RALYL: variants seen among roughly 807,000 people sequenced by gnomAD.
RALYL encodes RNA-binding Raly-like protein.
RALYL carries 29 observed loss-of-function variants against 35.1 expected under a neutral mutation model. The ratio of observed to expected loss-of-function variants is 0.83; its 90% CI spans 0.61 to 1.13. RALYL has a LOEUF of 1.13. RALYL is among the 50% of genes most tolerant of loss of function. RALYL has a pLI of 0.00. For missense variants in RALYL, 359 were observed against 360.4 expected (o/e 1.00, Z 0.03); for synonymous variants, 120 against 127.6 (o/e 0.94, Z 0.40).
At position 84,410,811 on chromosome 8, in the gene RALYL, T is replaced by G. The variant is rs1037083827; in HGVS notation, c.-23-118488T>G. 5.3e-5 allele frequency among the ~76,000 whole-genome samples: 8 copies of G among 151,720 alleles called. 1 individual carries two copies. The East Asian group carries it at 7.7e-4, about 15-fold the overall frequency. ...GTTAAGGAAAATATTACCCCAAATT[T>G]AAGTTGGAATTTTAAAAATGCATAC... On this transcript the variant is annotated intron_variant, in intron 1 of 8. Transcript: ENST00000521268.
At chr8:84,709,256 C>T (rs557753308) in intron 2 of RALYL, among the ~76,000 whole-genome samples, 105 of 152,158 alleles carry the variant, frequency 6.9e-4, no homozygotes, top group African/African-American at 2.3e-3. Flanking sequence ...AGGTCATTCC[C>T]CTACTCAAAG....
At chr8:84,360,350 G>A (rs1456873177) in intron 1 of RALYL, among the ~76,000 whole-genome samples, 1 of 152,138 alleles carries the variant, frequency 6.6e-6, no homozygotes, top group African/African-American at 2.4e-5. Context: ...TGAACATTTT[G>A]TATTAACCCA....
At chr8:84,419,097 GC>G (rs1286106314) in intron 1 of RALYL, among the ~76,000 whole-genome samples, 3 of 152,136 alleles carry the variant, frequency 2.0e-5, no homozygotes, top group Non-Finnish European at 2.9e-5. Context: ...GATATTGTGA[GC>G]AACTCAGTTT....
At chr8:84,493,468 TC>T (rs2134079927) in intron 1 of RALYL, among the ~76,000 whole-genome samples, 1 of 152,180 alleles carries the variant, frequency 6.6e-6, no homozygotes, top group East Asian at 1.9e-4. Flanking sequence ...TATTTCTGGT[TC>T]TAAATCCTTC....
chr8:84,388,661 G>A (rs931386825), intron 1 of RALYL, among the ~76,000 whole-genome samples: 6 of 151,948 alleles, frequency 3.9e-5, no homozygotes, highest in Admixed American at 1.3e-4. Flanking sequence ...GTCTGTTCAT[G>A]TCCTTCGCCC....
chr8:84,880,404 C>A (rs893864264), intron 7 of RALYL, among the ~76,000 whole-genome samples: 4 of 151,984 alleles, frequency 2.6e-5, no homozygotes, highest in Non-Finnish European at 2.9e-5. Flanking sequence ...AAATTGAATT[C>A]TTTCTCCTCA....
chr8:84,288,940 C>A, intron 1 of RALYL, among the ~76,000 whole-genome samples: 1 of 152,046 alleles, frequency 6.6e-6, no homozygotes, highest in African/African-American at 2.4e-5. Flanking sequence ...TTATTTAAAG[C>A]TATCACAATA....
At chr8:84,633,005 T>C (rs1367095830) in intron 2 of RALYL, among the ~76,000 whole-genome samples, 4 of 152,052 alleles carry the variant, frequency 2.6e-5, no homozygotes, top group Admixed American at 1.3e-4. Flanking sequence ...ATGTTTATGA[T>C]AGCAACTAAC....
intron 1 of RALYL, among the ~76,000 whole-genome samples, chr8:84,344,876 C>T (rs952863299): frequency 6.6e-6 from 1 of 151,938 alleles, no homozygotes; most frequent in Non-Finnish European, 1.5e-5. Flanking sequence ...ATAGAATTTC[C>T]TTCTTTTTTC....
At chr8:84,367,453 G>A (rs1437709749) in intron 1 of RALYL, among the ~76,000 whole-genome samples, 1 of 142,392 alleles carries the variant, frequency 7.0e-6, no homozygotes, top group African/African-American at 2.6e-5. Context: ...GCCTCCCAAA[G>A]TGCTAGAATT....
At chr8:84,393,173 A>G (rs1273009458) in intron 1 of RALYL, among the ~76,000 whole-genome samples, 1 of 152,088 alleles carries the variant, frequency 6.6e-6, no homozygotes, top group Admixed American at 6.6e-5. Context: ...ACTTTGGGGT[A>G]TCTCACAAGA....
At chr8:84,394,154 C>A (rs965879391) in intron 1 of RALYL, among the ~76,000 whole-genome samples, 1 of 152,050 alleles carries the variant, frequency 6.6e-6, no homozygotes, top group Non-Finnish European at 1.5e-5. Context: ...TTTCAAGTGT[C>A]GTTCACTTCC....
chr8:84,269,085 T>G (rs954727432), intron 1 of RALYL, among the ~76,000 whole-genome samples: 3 of 152,182 alleles, frequency 2.0e-5, no homozygotes, highest in Admixed American at 2.0e-4. Context: ...CTAGTGTTGC[T>G]TCTTTTCAGG....
intron 1 of RALYL, among the ~76,000 whole-genome samples, chr8:84,370,431 C>T (rs1855450610): frequency 2.7e-5 from 4 of 147,980 alleles, no homozygotes; most frequent in Non-Finnish European, 5.9e-5. Flanking sequence ...ATTTTACATA[C>T]AACCACACAC....
At chr8:84,714,311 G>A (rs1259139720) in intron 2 of RALYL, among the ~76,000 whole-genome samples, 1 of 151,710 alleles carries the variant, frequency 6.6e-6, no homozygotes, top group East Asian at 1.9e-4. Flanking sequence ...AGTTATAAAA[G>A]CAATACGTTC....
chr8:84,719,767 A>C (rs1843557827), intron 2 of RALYL, among the ~76,000 whole-genome samples: 1 of 152,114 alleles, frequency 6.6e-6, no homozygotes, highest in Non-Finnish European at 1.5e-5. Context: ...CATTTTCATC[A>C]TCTCTTTGTG....
intron 2 of RALYL, among the ~76,000 whole-genome samples, chr8:84,645,672 T>C (rs1827333933): frequency 6.6e-6 from 1 of 152,108 alleles, no homozygotes; most frequent in Non-Finnish European, 1.5e-5. Context: ...TGGTCAGACT[T>C]GGTTGGATGA....
intron 2 of RALYL, among the ~76,000 whole-genome samples, chr8:84,730,752 A>G (rs988536908): frequency 1.3e-5 from 2 of 152,160 alleles, no homozygotes; most frequent in African/African-American, 2.4e-5. Context: ...ATTTGGGGAC[A>G]TTAATCTAAC....
chr8:84,428,434 C>T (rs317941), intron 1 of RALYL, among the ~76,000 whole-genome samples: 8,900 of 152,064 alleles, frequency 0.059, 291 homozygotes, highest in Middle Eastern at 0.099. Flanking sequence ...CGATTTAGAT[C>T]ACTTACCTTT....
Sources: gnomAD v4.1 joint callset for allele counts (sites outside exome capture counted in the v4.1 genomes callset) on GRCh38, gnomAD v4.1.1 for gene constraint, MANE v1.5 for transcripts, NCBI Gene and HGNC (gene_info 2026-07-23, HGNC 2026-07-21) for gene names.